The following NPHP3 variants were observed in gnomAD, a reference collection of about 807,000 sequenced individuals.
The protein encoded by NPHP3 is nephrocystin 3, also known as nephrocystin-3.
NPHP3 carries 123 observed loss-of-function variants against 171.9 expected under a neutral mutation model. That is an observed-to-expected ratio of 0.72 (90% CI 0.62 to 0.83). The LOEUF is 0.83. Among genes scored for constraint, NPHP3 ranks in the 40% least tolerant of loss-of-function variants. The probability of loss-of-function intolerance (pLI) is 0.00; values close to 1 mark genes in which losing one functional copy is unlikely to be tolerated. For synonymous variants in NPHP3, 558 were observed against 579.2 expected, an observed-to-expected ratio of 0.96 and a Z score of 0.52; for missense variants, 1,506 against 1,591.9, an observed-to-expected ratio of 0.95 and a Z score of 0.92.
chr3:132,700,111 A>T (rs1186908993), intron 11 of NPHP3, 50 bp from the exon 12 acceptor site: 1 of 1,595,840 alleles, frequency 6.3e-7, no homozygotes, highest in East Asian at 2.2e-5. Flanking sequence ...GTAGTTACTG[A>T]AGTAGTTACA....
In NPHP3 at chr3:132,709,688, G is replaced by T. The variant is rs575530547; in HGVS notation, c.1119-1431C>A. On this transcript the variant is annotated intron_variant, in intron 6 of 26. Coordinates refer to ENST00000337331, the MANE Select transcript of NPHP3 (RefSeq NM_153240.5). ...TAGGGAAACAAATGTTTTTGTGGGG[G>T]GTGTGTGTGTGTGTATGTGTAGAAG... 2.9e-3 allele frequency among the ~76,000 whole-genome samples: 443 copies of T among 151,498 alleles called. 1 individual carries two copies. Among genetic ancestry groups the T allele is most frequent in the South Asian group, 5.4e-3 (26 of 4,792 alleles).
At chr3:132,692,029 C>G (rs1028976306) in intron 17 of NPHP3, among the ~76,000 whole-genome samples, 1 of 152,138 alleles carries the variant, frequency 6.6e-6, no homozygotes, top group Non-Finnish European at 1.5e-5. Context: ...ATGAAGCTGC[C>G]CTATACAGGC....
In NPHP3 at chr3:132,692,513, T is replaced by C. The variant is rs1448411795; in HGVS notation, c.2475+141A>G. On this transcript the variant is annotated intron_variant, in intron 17 of 26. Transcript: ENST00000337331. ...TTAAGTGTACTACAGTATTGTTAACTATAGGGACAATGTTGTATAGCAGAT... is the reference window on the plus strand; with the variant it reads ...TTAAGTGTACTACAGTATTGTTAACCATAGGGACAATGTTGTATAGCAGAT... 6 of 718,338 alleles carry C rather than the reference T, an allele frequency of 8.4e-6. No individual in the cohort carries two copies. In the African/African-American group the frequency reaches 8.9e-5, roughly 11 times the overall value. The allele number at this position is 718,338 out of a possible 1,614,324, so 44.5% of individuals were successfully genotyped here. A position where few individuals can be genotyped will look rare whatever the true frequency, so the allele number is the denominator to read the frequency against.
intron 6 of NPHP3, among the ~76,000 whole-genome samples, chr3:132,711,706 A>G (rs911930955): frequency 1.3e-5 from 2 of 152,194 alleles, no homozygotes; most frequent in South Asian, 2.1e-4. Context: ...ATTACCAAGT[A>G]AGATAAAAAA....
chr3:132,711,053 C>T (rs1436976181), intron 6 of NPHP3, among the ~76,000 whole-genome samples: 1 of 152,262 alleles, frequency 6.6e-6, no homozygotes, highest in African/African-American at 2.4e-5. Context: ...TGGATACCAT[C>T]TGCACACAGG....
In NPHP3 at chr3:132,699,936, A is replaced by C; in HGVS notation, c.1869T>G (p.Asp623Glu). The C allele has an allele frequency of 6.2e-7, 1 of 1,614,190 alleles. No homozygotes were observed. The highest frequency in any genetic ancestry group is 1.6e-4 in the Middle Eastern group (1 of 6,062). The change falls in exon 12 of 27, where the codon GAT (aspartate) becomes GAG (glutamate). Residue 623 changes from aspartate (D) to glutamate (E), a missense_variant. This residue lies in a region of NPHP3 where 930 missense variants were observed against 924.9 expected (regional missense o/e 1.01). Transcript: ENST00000337331. Reference protein sequence around the residue: ...RHQGSIIIVIDSIDQVQQVEK... With the variant: ...RHQGSIIIVIESIDQVQQVEK... ...ACGGTACCTGAACTTGATCTATAGA[A>C]TCAATAACGATGATGATGCTGCCTT...
intron 21 of NPHP3, 32 bp from the exon 22 acceptor site, chr3:132,687,258 A>G: frequency 1.0e-6 from 1 of 954,166 alleles, no homozygotes; most frequent in Non-Finnish European, 1.7e-6. Context: ...GTCAAACAAA[A>G]GAAACATATT....
At chr3:132,711,014 C>A (rs1009138693) in intron 6 of NPHP3, among the ~76,000 whole-genome samples, 1 of 152,190 alleles carries the variant, frequency 6.6e-6, no homozygotes, top group African/African-American at 2.4e-5. Flanking sequence ...GTGTGAGAAG[C>A]CAGTGAACAC....
rs1939062325 is a variant in NPHP3 at position 132,682,682 on chromosome 3, GA to G, written c.3812+20del. On this transcript the variant is annotated intron_variant, in intron 26 of 26. Coordinates refer to ENST00000337331, the MANE Select transcript of NPHP3 (RefSeq NM_153240.5). ...CTTCGAATAAAAGAGGCTGTATAAG[GA>G]AAGTGAAAAAAATTCTTACCTAAGC... 7.4e-7 allele frequency: 1 copy of G among 1,359,402 alleles called. No individual in the cohort carries two copies. Among genetic ancestry groups the G allele is most frequent in the African/African-American group, 1.4e-5 (1 of 69,990 alleles). 84.2% of individuals were successfully genotyped at this position (1,359,402 alleles called of 1,614,324 possible). A position where few individuals can be genotyped will look rare whatever the true frequency, so the allele number is the denominator to read the frequency against.
In NPHP3 at chr3:132,688,690, C is replaced by T. The variant is rs770544150; in HGVS notation, c.3085G>A (p.Glu1029Lys). The T allele has an allele frequency of 2.1e-5, 34 of 1,614,084 alleles. No individual in the cohort carries two copies. Among genetic ancestry groups the T allele is most frequent in the Non-Finnish European group, 2.9e-5 (34 of 1,179,956 alleles). ...TACAAAGTTGCAAGTGCTTCAAGTT[C>T]ACGAGCAGTATATGGATGGTCCGCA... ...YGADHPYTARELEALATLYQK... is the reference protein window; with the variant it reads ...YGADHPYTARKLEALATLYQK... Residue 1029 changes from glutamate to lysine, a missense_variant, in exon 21 of 27, where the codon GAA (glutamate) becomes AAA (lysine). Transcript: ENST00000337331.
rs1397511848 is a variant in NPHP3, at chr3:132,700,058, T to A, written c.1747A>T (p.Met583Leu). ...GCAGAGACTGACCAAGAGTGCTGCA[T>A]CAACTACAAGATAAGAACACACACA... is the stretch of plus-strand genomic sequence containing the variant. ...LIIKRLTLKL[M>L]QHSWSVSALT... The change falls in exon 12 of 27, where the codon ATG becomes TTG. Residue 583 changes from methionine to leucine, a missense_variant. By Grantham distance (15) the Met-to-Leu change is conservative. Coordinates refer to ENST00000337331, the MANE Select transcript of NPHP3 (RefSeq NM_153240.5). 5 of 1,613,988 alleles carry A rather than the reference T, an allele frequency of 3.1e-6. No individual in the cohort carries two copies. The highest frequency in any genetic ancestry group is 3.4e-6 in the Non-Finnish European group (4 of 1,179,980).
At chr3:132,711,893 C>T (rs1939919543) in intron 6 of NPHP3, among the ~76,000 whole-genome samples, 1 of 152,168 alleles carries the variant, frequency 6.6e-6, no homozygotes, top group Non-Finnish European at 1.5e-5. Flanking sequence ...GTTCACCCGG[C>T]CACTAGGCAA....
intron 7 of NPHP3, among the ~76,000 whole-genome samples, chr3:132,707,261 T>C (rs1939779549): frequency 6.6e-6 from 1 of 152,182 alleles, no homozygotes; most frequent in Non-Finnish European, 1.5e-5. Context: ...AAAAGTCTCC[T>C]CCTGCAGCGT....
chr3:132,714,011 G>C (rs1007951679), intron 5 of NPHP3, among the ~76,000 whole-genome samples: 3 of 152,216 alleles, frequency 2.0e-5, no homozygotes, highest in Admixed American at 2.0e-4. Context: ...TAAAGGGTTA[G>C]ATAGCAAATA....
chr3:132,722,025 A>G lies in NPHP3; in HGVS notation c.331T>C (p.Ser111Pro), dbSNP rs1300124623. 1 of 1,613,128 alleles carries G rather than the reference A, an allele frequency of 6.2e-7. No individual in the cohort carries two copies. The highest frequency in any genetic ancestry group is 8.5e-7 in the Non-Finnish European group (1 of 1,179,874). ...FRVSKNQELLSMGRREAKLDT... is the reference protein window; with the variant it reads ...FRVSKNQELLPMGRREAKLDT... The stretch of plus-strand genomic sequence containing the variant: ...AGCTTGGCCTCGCGGCGGCCCATGG[A>G]CAACAACTCCTGGTTCTTGCTGACG... Residue 111 changes from serine to proline, a missense_variant, in exon 1 of 27, where the codon TCC becomes CCC. Physicochemically the swap from Ser to Pro is moderately conservative, Grantham distance 74. This residue lies in a region of NPHP3 where 930 missense variants were observed against 924.9 expected (regional missense o/e 1.01). Coordinates refer to ENST00000337331, the MANE Select transcript of NPHP3 (RefSeq NM_153240.5).
In NPHP3 at chr3:132,688,838, G is replaced by A. The variant is rs774962213; in HGVS notation, c.2937C>T (p.Pro979=). ...SLEIRETALD[P]DHPRVAQSLH... ...GGGACTGGGCTACTCTTGGGTGATC[G>A]GGATCTAAAGCTGTTTCTCGAATCT... Residue 979 remains proline (P), a synonymous_variant, in exon 21 of 27, where the codon CCC becomes CCT. Transcript: ENST00000337331. 32 of 1,613,850 alleles carry A rather than the reference G, an allele frequency of 2.0e-5. No individual in the cohort carries two copies. The highest frequency in any genetic ancestry group is 2.4e-5 in the Non-Finnish European group (28 of 1,179,986).
rs911906588 is a variant in NPHP3 at position 132,691,283 on chromosome 3, A to C, written c.2479T>G (p.Trp827Gly). 7 of 1,609,476 alleles carry C rather than the reference A, an allele frequency of 4.3e-6. No individual in the cohort carries two copies. Among genetic ancestry groups the C allele is most frequent in the Non-Finnish European group, 6.0e-6 (7 of 1,176,064 alleles). ...GLLRFQHLQA[W>G]ETVRLEYLEG... Reference sequence around the variant, plus strand: ...AGGTACTCCAATCTCACTGTTTCCCAAGCCTAGGGAGAAAAAGAAGAAATA... The same window carrying C: ...AGGTACTCCAATCTCACTGTTTCCCCAGCCTAGGGAGAAAAAGAAGAAATA... The change falls in exon 18 of 27, where the codon TGG (tryptophan) becomes GGG (glycine). Residue 827 changes from tryptophan to glycine, a missense_variant. Physicochemically the swap from Trp to Gly is radical, Grantham distance 184 (BLOSUM62 -2). This residue lies in a region of NPHP3 where 569 missense variants were observed against 648.1 expected (regional missense o/e 0.88). Coordinates refer to ENST00000337331, the MANE Select transcript of NPHP3 (RefSeq NM_153240.5).
chr3:132,719,916 ATATGTTACGTATCTT>A, intron 1 of NPHP3, 86 bp from the exon 2 acceptor site: 2 of 504,606 alleles, frequency 4.0e-6, no homozygotes, highest in Non-Finnish European at 2.9e-6. Flanking sequence ...ATATATATAT[ATATGTTACGTATCTT>A]AGAATTTTAA....
intron 1 of NPHP3, among the ~76,000 whole-genome samples, chr3:132,720,055 A>T (rs1223713171): frequency 1.3e-5 from 2 of 152,348 alleles, no homozygotes; most frequent in African/African-American, 4.8e-5. Flanking sequence ...ACCAACATTA[A>T]GCTTTCAATG....
Sources: gnomAD v4.1 joint callset for allele counts (sites outside exome capture counted in the v4.1 genomes callset) on GRCh38, gnomAD v4.1.1 for gene constraint, gnomAD v4.1.1 regional missense constraint, MANE v1.5 for transcripts, NCBI Gene and HGNC (gene_info 2026-07-23, HGNC 2026-07-21) for gene names.